TMEM163: variants seen among roughly 807,000 people sequenced by gnomAD.
The protein encoded by TMEM163 is transmembrane protein 163.
Under a neutral mutation model 29.3 loss-of-function variants are expected in TMEM163, and 17 were observed. That is an observed-to-expected ratio of 0.58 (90% CI 0.40 to 0.87). The LOEUF is 0.87. Ranked by LOEUF, TMEM163 falls within the 40% of genes least tolerant of loss-of-function variation. The pLI, the probability that TMEM163 is intolerant of heterozygous loss-of-function variation, is 0.00. For synonymous variants in TMEM163, 157 were observed against 160.6 expected, an observed-to-expected ratio of 0.98 and a Z score of 0.17; for missense variants, 303 against 381.5, an observed-to-expected ratio of 0.79 and a Z score of 1.71.
chr2:134,663,526 A>G (rs1683802369), intron 2 of TMEM163, among the ~76,000 whole-genome samples: 1 of 152,226 alleles, frequency 6.6e-6, no homozygotes, highest in Non-Finnish European at 1.5e-5. Flanking sequence ...TCTAGGAGCC[A>G]TGATCACATG....
chr2:134,586,527 G>A (rs148404272), intron 2 of TMEM163, among the ~76,000 whole-genome samples: 1 of 152,122 alleles, frequency 6.6e-6, no homozygotes, highest in Admixed American at 6.5e-5. Flanking sequence ...GTTGCATTAG[G>A]TCCCACCATA....
chr2:134,573,180 C>T (rs967025899), intron 2 of TMEM163, among the ~76,000 whole-genome samples: 30 of 152,112 alleles, frequency 2.0e-4, no homozygotes, highest in Non-Finnish European at 4.3e-4. Context: ...ACAAAGGAGC[C>T]AGAAAGGCAT....
chr2:134,648,988 T>C (rs947909358), intron 2 of TMEM163, among the ~76,000 whole-genome samples: 1 of 152,128 alleles, frequency 6.6e-6, no homozygotes, highest in Non-Finnish European at 1.5e-5. Context: ...CATGTATTTG[T>C]AGTGGGGGAA....
intron 2 of TMEM163, among the ~76,000 whole-genome samples, chr2:134,637,529 T>C (rs1395564319): frequency 6.6e-6 from 1 of 152,242 alleles, no homozygotes; most frequent in Admixed American, 6.5e-5. Context: ...AAAATAAAAA[T>C]TCATCAAGTC....
At chr2:134,592,808 T>G (rs1455285248) in intron 2 of TMEM163, among the ~76,000 whole-genome samples, 2 of 150,882 alleles carry the variant, frequency 1.3e-5, no homozygotes, top group South Asian at 2.1e-4. Flanking sequence ...TATAGATAGA[T>G]AGACTATCTC....
At position 134,529,934 on chromosome 2, in the gene TMEM163, G is replaced by A. The variant is rs536867968; in HGVS notation, c.458+20636C>T. Among the ~76,000 whole-genome samples the A allele has an allele frequency of 1.5e-4, 23 of 152,162 alleles. 1 individual carries two copies. In the East Asian group the frequency reaches 4.3e-3, roughly 28 times the overall value. On this transcript the variant is annotated intron_variant, in intron 4 of 7. Transcript: ENST00000281924. ...GGCGTGGAAGGCTACCATCAGGGCTGTGGTAGGAATGCAGTCGGGAGGATT... is the reference window on the plus strand; with the variant it reads ...GGCGTGGAAGGCTACCATCAGGGCTATGGTAGGAATGCAGTCGGGAGGATT...
intron 2 of TMEM163, among the ~76,000 whole-genome samples, chr2:134,655,870 G>T (rs1285693534): frequency 7.1e-6 from 1 of 141,584 alleles, no homozygotes; most frequent in African/African-American, 2.9e-5. Context: ...GGGGGTCAGG[G>T]GTCAGGGACC....
At chr2:134,468,035 G>A (rs1261970575) in intron 5 of TMEM163, 4 of 152,362 alleles carry the variant, frequency 2.6e-5, no homozygotes, top group Non-Finnish European at 5.9e-5. Context: ...CAGTGGGAGG[G>A]GGTCAGGAGC....
chr2:134,685,080 CT>C (rs1260672912), intron 2 of TMEM163, among the ~76,000 whole-genome samples: 1 of 152,186 alleles, frequency 6.6e-6, no homozygotes, highest in Non-Finnish European at 1.5e-5. Context: ...AAAGGAACTA[CT>C]TCTCCAAACC....
intron 4 of TMEM163, among the ~76,000 whole-genome samples, chr2:134,512,967 A>G (rs372032897): frequency 3.9e-5 from 6 of 152,316 alleles, no homozygotes; most frequent in African/African-American, 1.4e-4. Flanking sequence ...AGGATGTGGC[A>G]AATGATGTCA....
chr2:134,520,601 T>C (rs1680170894), intron 4 of TMEM163, among the ~76,000 whole-genome samples: 2 of 152,250 alleles, frequency 1.3e-5, no homozygotes, highest in African/African-American at 4.8e-5. Flanking sequence ...TAAATGTAAC[T>C]GATTCAAACA....
intron 2 of TMEM163, among the ~76,000 whole-genome samples, chr2:134,616,398 T>G (rs570653303): frequency 1.3e-5 from 2 of 152,332 alleles, no homozygotes; most frequent in Non-Finnish European, 1.5e-5. Context: ...TTTTGAGTAC[T>G]GATTTGCCTC....
At chr2:134,553,424 G>A (rs759530881) in intron 2 of TMEM163, among the ~76,000 whole-genome samples, 93 of 152,204 alleles carry the variant, frequency 6.1e-4, no homozygotes, top group Non-Finnish European at 1.1e-3. Context: ...CTTAGGACTT[G>A]AGACAGAGAG....
At position 134,610,146 on chromosome 2, in the gene TMEM163, A is replaced by T. The variant is rs564051714; in HGVS notation, c.323-58055T>A. On this transcript the variant is annotated intron_variant, in intron 2 of 7. Coordinates refer to ENST00000281924, the MANE Select transcript of TMEM163 (RefSeq NM_030923.5). ...CACCTCTTCTGACAAGGGTTGAGGA[A>T]GGGAGAAGAGATGGCCGTAAACACT... is the stretch of plus-strand genomic sequence containing the variant. Among the ~76,000 whole-genome samples, 38 of 152,328 alleles carry T rather than the reference A, an allele frequency of 2.5e-4. No homozygotes were observed. The South Asian group carries it at 7.0e-3, about 28-fold the overall frequency.
intron 2 of TMEM163, among the ~76,000 whole-genome samples, chr2:134,655,656 G>GT (rs1401903467): frequency 9.9e-5 from 14 of 140,982 alleles, no homozygotes; most frequent in Non-Finnish European, 2.1e-4. Context: ...TTTCTGTTCT[G>GT]TTTTTTCCCC....
At chr2:134,670,249 T>A (rs1558985844) in intron 2 of TMEM163, among the ~76,000 whole-genome samples, 1 of 148,788 alleles carries the variant, frequency 6.7e-6, no homozygotes, top group Non-Finnish European at 1.5e-5. Context: ...ATGGCACCTT[T>A]AAAAAAAAAA....
intron 2 of TMEM163, among the ~76,000 whole-genome samples, chr2:134,670,919 T>A (rs1326488206): frequency 3.3e-5 from 5 of 152,228 alleles, no homozygotes; most frequent in Non-Finnish European, 1.5e-5. Flanking sequence ...CTGGCTCATG[T>A]CTTTTCTTTC....
chr2:134,715,208 C>T (rs900253104), intron 1 of TMEM163, among the ~76,000 whole-genome samples: 1 of 152,146 alleles, frequency 6.6e-6, no homozygotes, highest in African/African-American at 2.4e-5. Context: ...TCTCTTCAGC[C>T]GCATAACATT....
At chr2:134,570,942 G>A (rs1272377550) in intron 2 of TMEM163, among the ~76,000 whole-genome samples, 6 of 152,180 alleles carry the variant, frequency 3.9e-5, no homozygotes, top group South Asian at 2.1e-4. Context: ...TCTGAAATGC[G>A]TTCTCATTTA....
Sources: allele counts gnomAD v4.1 joint callset (sites outside exome capture counted in the v4.1 genomes callset), GRCh38; gene constraint gnomAD v4.1.1; transcripts MANE v1.5; gene names NCBI Gene and HGNC (gene_info 2026-07-23, HGNC 2026-07-21).